Variants in CELF2 observed in about 807,000 individuals in gnomAD.
The protein encoded by CELF2 is CUG triplet repeat RNA-binding protein 2.
CELF2 carries 8 observed loss-of-function variants against 62.6 expected under a neutral mutation model. That is an observed-to-expected ratio of 0.13 (90% confidence interval 0.07 to 0.23). CELF2 has a LOEUF of 0.23. CELF2 is among the 10% of genes least tolerant of loss of function. The pLI is 1.00. For missense variants in CELF2, 333 were observed against 671.0 expected, an observed-to-expected ratio of 0.50 and a Z score of 5.56; for synonymous variants, 258 against 250.0, an observed-to-expected ratio of 1.03 and a Z score of -0.30.
intron 1 of CELF2, among the ~76,000 whole-genome samples, chr10:11,129,238 T>A (rs577593876): frequency 3.9e-4 from 59 of 152,272 alleles, no homozygotes; most frequent in African/African-American, 1.3e-3. Context: ...CGACTTGATA[T>A]TGGTGGATAA....
the CELF2 span, among the ~76,000 whole-genome samples, chr10:10,669,393 G>A: frequency 1.3e-5 from 2 of 152,182 alleles, no homozygotes; most frequent in Non-Finnish European, 2.9e-5. Context: ...TACTGCACAG[G>A]TGGAAGAATT....
At chr10:10,733,153 G>C in the CELF2 span, among the ~76,000 whole-genome samples, 1 of 152,056 alleles carries the variant, frequency 6.6e-6, no homozygotes, top group Non-Finnish European at 1.5e-5. Flanking sequence ...CCTGCAGCTA[G>C]CTTCGGCCCC....
chr10:10,616,745 G>T, the CELF2 span, among the ~76,000 whole-genome samples: 3 of 142,046 alleles, frequency 2.1e-5, no homozygotes, highest in Non-Finnish European at 4.5e-5. Context: ...AGAGAGAGAG[G>T]ATCTTATTCT....
rs2096010214 is a variant in CELF2, at chr10:11,331,292, A to C, written c.*2239A>C. On this transcript the variant is annotated 3_prime_UTR_variant, in exon 13 of 13. Transcript: ENST00000633077. ...TTGGTTTACTTAATACAAAAAAAAA[A>C]AAAAGAATTTCAAAAAAAAAAGTTG... is the stretch of plus-strand genomic sequence containing the variant. 6.6e-6 allele frequency: 1 copy of C among 152,186 alleles called. No homozygotes were observed. The highest frequency in any genetic ancestry group is 2.4e-5 in the African/African-American group (1 of 41,350). 9.4% of individuals were successfully genotyped at this position (152,186 alleles called of 1,614,324 possible).
intron 1 of CELF2, among the ~76,000 whole-genome samples, chr10:11,103,714 C>T (rs80079324): frequency 1.3e-5 from 2 of 152,000 alleles, no homozygotes; most frequent in African/African-American, 2.4e-5. Flanking sequence ...TTATATTTGT[C>T]CTTCCCTCAA....
At chr10:11,055,019 G>A (rs1165716568) in intron 1 of CELF2, among the ~76,000 whole-genome samples, 2 of 152,324 alleles carry the variant, frequency 1.3e-5, no homozygotes, top group Non-Finnish European at 1.5e-5. Flanking sequence ...CCGGCTTCTA[G>A]TGTATTCTTT....
Position 11,319,108 on chromosome 10 carries a change from G to A in CELF2, c.1097-2081G>A, listed in dbSNP as rs1363957250. 9 of 469,732 alleles carry A rather than the reference G, an allele frequency of 1.9e-5. No homozygotes were observed. The highest frequency in any genetic ancestry group is 2.3e-5 in the Admixed American group (1 of 42,554). The allele number at this position is 469,732 out of a possible 1,614,324, so 29.1% of individuals were successfully genotyped here. On this transcript the variant is annotated intron_variant, in intron 10 of 12. Transcript: ENST00000633077. The surrounding 1 kb of genome is among the most constrained non-coding windows in gnomAD (Gnocchi z 4.4). ...TGAGATCCAAGCAGAGCGGCGAGTC[G>A]CCGCTCCTCTCCCGCCAGAATTTCC... is the stretch of plus-strand genomic sequence containing the variant.
chr10:11,321,101 C>A lies in CELF2; in HGVS notation c.1097-88C>A. 7.1e-7 allele frequency: 1 copy of A among 1,415,330 alleles called. No individual in the cohort carries two copies. The highest frequency in any genetic ancestry group is 1.7e-5 in the Admixed American group (1 of 58,958). 87.7% of individuals were successfully genotyped at this position (1,415,330 alleles called of 1,614,324 possible). A position where few individuals can be genotyped will look rare whatever the true frequency, so the allele number is the denominator to read the frequency against. ...CTAGCTGCATGTACTTGCTGTTGTA[C>A]TGTGTTTAAATGATTCTCTAACTTC... On this transcript the variant is annotated intron_variant, in intron 10 of 12. Coordinates refer to ENST00000633077, the MANE Select transcript of CELF2 (RefSeq NM_001326342.2). This position sits in a 1 kb window ranked among gnomAD's most constrained non-coding sequence, Gnocchi z 6.2.
chr10:10,546,373 C>CA, the CELF2 span, among the ~76,000 whole-genome samples: 5,894 of 152,142 alleles, frequency 0.039, 338 homozygotes, highest in East Asian at 0.25. Context: ...TCTCCTTTTC[C>CA]AAAAAAGCGG....
chr10:10,555,525 G>C, the CELF2 span, among the ~76,000 whole-genome samples: 1 of 152,116 alleles, frequency 6.6e-6, no homozygotes, highest in South Asian at 2.1e-4. Context: ...ATACTCGTGA[G>C]GATAATTCTC....
intron 1 of CELF2, among the ~76,000 whole-genome samples, chr10:11,077,440 C>T (rs1179391097): frequency 6.6e-6 from 1 of 152,160 alleles, no homozygotes; most frequent in East Asian, 1.9e-4. Flanking sequence ...GCTTTTATAA[C>T]GAGAGACCTG....
the CELF2 span, among the ~76,000 whole-genome samples, chr10:10,518,034 C>A: frequency 6.6e-6 from 1 of 152,208 alleles, no homozygotes; most frequent in Non-Finnish European, 1.5e-5. Flanking sequence ...CACCCACCAT[C>A]TCCTTGAAAC....
chr10:11,031,156 T>A (rs2069047235), intron 1 of CELF2, among the ~76,000 whole-genome samples: 1 of 152,212 alleles, frequency 6.6e-6, no homozygotes, highest in South Asian at 2.1e-4. Flanking sequence ...AAAATGGTTC[T>A]CAGGTGGCAT....
chr10:11,056,845 T>C (rs768975540), intron 1 of CELF2, among the ~76,000 whole-genome samples: 13 of 152,324 alleles, frequency 8.5e-5, no homozygotes, highest in South Asian at 6.2e-4. Flanking sequence ...GCAATAACTC[T>C]GAAAACTTAT....
intron 2 of CELF2, among the ~76,000 whole-genome samples, chr10:10,956,065 A>G (rs1379187771): frequency 6.6e-6 from 1 of 152,234 alleles, no homozygotes; most frequent in Non-Finnish European, 1.5e-5. Context: ...GGCAACCAAG[A>G]GTCCATTTGC....
intron 11 of CELF2, among the ~76,000 whole-genome samples, chr10:11,323,895 T>C (rs1038279160): frequency 6.6e-6 from 1 of 151,608 alleles, no homozygotes; most frequent in Non-Finnish European, 1.5e-5. Context: ...CTTAGTTGCA[T>C]ACAAGGGAGG....
chr10:10,688,377 C>T, the CELF2 span, among the ~76,000 whole-genome samples: 1 of 152,228 alleles, frequency 6.6e-6, no homozygotes, highest in African/African-American at 2.4e-5. Flanking sequence ...GCCTTGACCA[C>T]AGTCAGAAAG....
At chr10:11,136,100 C>T (rs2060391987) in intron 1 of CELF2, among the ~76,000 whole-genome samples, 1 of 152,148 alleles carries the variant, frequency 6.6e-6, no homozygotes, top group African/African-American at 2.4e-5. Flanking sequence ...TTTATACTTA[C>T]TGAGAAATGC....
At chr10:10,724,660 AAAAAAAAAAAG>A in the CELF2 span, among the ~76,000 whole-genome samples, 84 of 149,144 alleles carry the variant, frequency 5.6e-4, no homozygotes, top group Non-Finnish European at 1.1e-3. Flanking sequence ...CGTCTCAAAA[AAAAAAAAAAAG>A]AAAAAAGAAA....
Sources: allele counts gnomAD v4.1 joint callset (sites outside exome capture counted in the v4.1 genomes callset), GRCh38; gene constraint gnomAD v4.1.1; non-coding constraint Gnocchi (gnomAD v3.1); transcripts MANE v1.5; gene names NCBI Gene and HGNC (gene_info 2026-07-23, HGNC 2026-07-21).